The following ARHGEF12 variants were observed in gnomAD, a reference collection of about 807,000 sequenced individuals.
ARHGEF12 encodes the protein Rho guanine nucleotide exchange factor 12.
ARHGEF12 carries 66 observed loss-of-function variants against 211.2 expected under a neutral mutation model. That is an observed-to-expected ratio of 0.31 (90% confidence interval 0.26 to 0.38). The LOEUF (loss-of-function observed/expected upper bound fraction) is 0.38, where lower values mean the gene tolerates loss of function less well. Among genes scored for constraint, ARHGEF12 ranks in the 10% least tolerant of loss-of-function variants. The pLI, the probability that ARHGEF12 is intolerant of heterozygous loss-of-function variation, is 1.00. For synonymous variants in ARHGEF12, 592 were observed against 638.4 expected (o/e 0.93, Z 1.09); for missense variants, 1,429 against 1,869.5 (o/e 0.76, Z 4.34).
chr11:120,474,734 C>T (rs969412844), intron 32 of ARHGEF12, 99 bp downstream of exon 32: 4 of 804,030 alleles, frequency 5.0e-6, no homozygotes, highest in East Asian at 2.5e-5. Flanking sequence ...ACCATTCTCT[C>T]AGCAGTTTGC....
chr11:120,364,171 C>A (rs1943357913), intron 1 of ARHGEF12, among the ~76,000 whole-genome samples: 1 of 152,094 alleles, frequency 6.6e-6, no homozygotes, highest in Non-Finnish European at 1.5e-5. Flanking sequence ...TATTTGAAAT[C>A]TAAATAAGGG....
chr11:120,354,995 C>T (rs1020018745), intron 1 of ARHGEF12, among the ~76,000 whole-genome samples: 3 of 152,168 alleles, frequency 2.0e-5, no homozygotes, highest in Non-Finnish European at 4.4e-5. Flanking sequence ...TACCATATCT[C>T]ATTTTAGCTA....
At chr11:120,414,881 G>A (rs966984261) in intron 4 of ARHGEF12, among the ~76,000 whole-genome samples, 9 of 152,106 alleles carry the variant, frequency 5.9e-5, no homozygotes, top group Non-Finnish European at 1.0e-4. Context: ...TGTGATCCAC[G>A]GTGCCTGCCT....
chr11:120,421,099 A>T (rs759356874), intron 5 of ARHGEF12, among the ~76,000 whole-genome samples: 13 of 152,330 alleles, frequency 8.5e-5, no homozygotes, highest in Non-Finnish European at 1.6e-4. Context: ...TGGTCATGAT[A>T]CTTTATTGTC....
chr11:120,337,938 A>G, intron 1 of ARHGEF12: 5 of 979,952 alleles, frequency 5.1e-6, no homozygotes, highest in Non-Finnish European at 6.1e-6. Flanking sequence ...CTTGGCGTTT[A>G]AGAGATATAA....
intron 35 of ARHGEF12, 46 bp downstream of exon 35, chr11:120,477,351 G>A: frequency 3.1e-6 from 5 of 1,608,290 alleles, no homozygotes; most frequent in Non-Finnish European, 4.3e-6. Flanking sequence ...TATGTTTTGG[G>A]TTGGAAAAGA....
chr11:120,468,411 A>T (rs1946767791), intron 29 of ARHGEF12, among the ~76,000 whole-genome samples: 1 of 152,238 alleles, frequency 6.6e-6, no homozygotes. Context: ...TATTATAGAC[A>T]TGACATAGCC....
chr11:120,354,290 G>A (rs1231547840), intron 1 of ARHGEF12, among the ~76,000 whole-genome samples: 3 of 152,050 alleles, frequency 2.0e-5, no homozygotes, highest in African/African-American at 7.2e-5. Flanking sequence ...GGTGAGTCAG[G>A]ACTAACAAGT....
chr11:120,356,145 G>T (rs1943124900), intron 1 of ARHGEF12, among the ~76,000 whole-genome samples: 1 of 152,170 alleles, frequency 6.6e-6, no homozygotes, highest in South Asian at 2.1e-4. Flanking sequence ...GTCAATATTT[G>T]ATAGGATTCT....
intron 22 of ARHGEF12, among the ~76,000 whole-genome samples, chr11:120,455,001 TCAGACCACCA>T (rs1389031206): frequency 6.6e-6 from 1 of 152,106 alleles, no homozygotes; most frequent in African/African-American, 2.4e-5. Flanking sequence ...GGGTATATTT[TCAGACCACCA>T]CAGCGATCAG....
In ARHGEF12 at chr11:120,480,347, G is replaced by T; in HGVS notation, c.4154G>T (p.Arg1385Leu). 6.2e-7 allele frequency: 1 copy of T among 1,614,172 alleles called. No individual in the cohort carries two copies. The highest frequency in any genetic ancestry group is 8.5e-7 in the Non-Finnish European group (1 of 1,180,030). ...AGTGGAGAGCACTTTTTTGATGCCC[G>T]TGAAGCACATAGTGATGAGAATCCA... is the stretch of plus-strand genomic sequence containing the variant. ...DDSGEHFFDA[R>L]EAHSDENPSE... The change falls in exon 38 of 41, where the codon CGT becomes CTT. Residue 1385 changes from arginine to leucine, a missense_variant. Physicochemically the swap from Arg to Leu is moderately radical, Grantham distance 102. Coordinates refer to ENST00000397843, the MANE Select transcript of ARHGEF12 (RefSeq NM_015313.3).
chr11:120,345,752 A>G (rs1208372411), intron 1 of ARHGEF12, among the ~76,000 whole-genome samples: 1 of 150,970 alleles, frequency 6.6e-6, no homozygotes, highest in Non-Finnish European at 1.5e-5. Flanking sequence ...TCCTAAATAT[A>G]TATATATATA....
In ARHGEF12 at chr11:120,447,860, T is replaced by C; in HGVS notation, c.1590-14T>C. ...CCATATTTCATTTTTAAATTTTTTT[T>C]TCTTTTTTTTAAGGATGACTGCTCA... On this transcript the variant is annotated splice_polypyrimidine_tract_variant and intron_variant, in intron 18 of 40. Transcript: ENST00000397843. 6.5e-7 allele frequency: 1 copy of C among 1,541,564 alleles called. No homozygotes were observed. The highest frequency in any genetic ancestry group is 8.7e-7 in the Non-Finnish European group (1 of 1,143,164).
At chr11:120,354,213 A>C (rs1288769354) in intron 1 of ARHGEF12, among the ~76,000 whole-genome samples, 1 of 152,190 alleles carries the variant, frequency 6.6e-6, no homozygotes, top group Non-Finnish European at 1.5e-5. Flanking sequence ...CTGTAATCCC[A>C]GTCGGCCCAA....
chr11:120,469,145 A>G (rs1474092406), intron 29 of ARHGEF12, 143 bp from the exon 30 acceptor site: 2 of 602,616 alleles, frequency 3.3e-6, no homozygotes, highest in Non-Finnish European at 5.6e-6. Context: ...TGAGACTCTG[A>G]CAGAGGCTTT....
At chr11:120,431,373 C>T (rs921477443) in intron 10 of ARHGEF12, among the ~76,000 whole-genome samples, 1 of 152,042 alleles carries the variant, frequency 6.6e-6, no homozygotes, top group Non-Finnish European at 1.5e-5. Context: ...CTAGAATTGG[C>T]CATTGATTGA....
intron 1 of ARHGEF12, among the ~76,000 whole-genome samples, chr11:120,338,958 A>G (rs1189903484): frequency 6.6e-6 from 1 of 151,020 alleles, no homozygotes; most frequent in East Asian, 1.9e-4. Flanking sequence ...TGGCATATAA[A>G]CATTCAATAA....
chr11:120,477,867 A>C (rs1434315013), intron 36 of ARHGEF12, among the ~76,000 whole-genome samples: 29 of 150,580 alleles, frequency 1.9e-4, no homozygotes, highest in South Asian at 1.3e-3. Context: ...AACACCAAAA[A>C]AAAAAAAGAA....
intron 29 of ARHGEF12, 86 bp from the exon 30 acceptor site, chr11:120,469,202 T>C: frequency 9.6e-7 from 1 of 1,047,114 alleles, no homozygotes; most frequent in African/African-American, 1.6e-5. Flanking sequence ...CTTAAAAGTA[T>C]TGAAATGAAA....
Sources: allele counts gnomAD v4.1 joint callset (sites outside exome capture counted in the v4.1 genomes callset), GRCh38; gene constraint gnomAD v4.1.1; transcripts MANE v1.5; gene names NCBI Gene and HGNC (gene_info 2026-07-23, HGNC 2026-07-21).